The following PDE4D variants were observed in gnomAD, a reference collection of about 807,000 sequenced individuals.
The protein encoded by PDE4D is phosphodiesterase 4D.
A neutral mutation model predicts 87.4 loss-of-function variants in PDE4D; 24 were observed. The ratio of observed to expected loss-of-function variants is 0.27; its 90% CI spans 0.20 to 0.39. PDE4D has a LOEUF of 0.39. Among genes scored for constraint, PDE4D ranks in the 10% least tolerant of loss-of-function variants. PDE4D has a pLI of 1.00. For missense variants in PDE4D, 714 were observed against 1,041.0 expected, an observed-to-expected ratio of 0.69 and a Z score of 4.32; for synonymous variants, 384 against 383.2, an observed-to-expected ratio of 1.00 and a Z score of -0.02.
At chr5:59,988,886 CTAAATT>C (rs1561950534) in intron 2 of PDE4D, among the ~76,000 whole-genome samples, 1 of 151,958 alleles carries the variant, frequency 6.6e-6, no homozygotes. Context: ...TAACTAAAAT[CTAAATT>C]TATTTTTAAA....
intron 1 of PDE4D, among the ~76,000 whole-genome samples, chr5:59,426,953 C>G (rs947638103): frequency 6.6e-6 from 1 of 151,478 alleles, no homozygotes; most frequent in Admixed American, 6.6e-5. Flanking sequence ...CCCTCTGCCA[C>G]CTCCCACAGT....
chr5:60,277,325 A>T (rs1185714326), intron 1 of PDE4D, among the ~76,000 whole-genome samples: 1 of 152,150 alleles, frequency 6.6e-6, no homozygotes, highest in Non-Finnish European at 1.5e-5. Flanking sequence ...AAAAAGAAGA[A>T]GTAAAATTAT....
chr5:60,451,571 C>T (rs1232800038), intron 1 of PDE4D, among the ~76,000 whole-genome samples: 1 of 152,038 alleles, frequency 6.6e-6, no homozygotes, highest in Non-Finnish European at 1.5e-5. Flanking sequence ...TTTATTTTCC[C>T]ATTCTTAGAA....
At chr5:59,499,451 C>T (rs1807867085) in intron 1 of PDE4D, among the ~76,000 whole-genome samples, 1 of 150,796 alleles carries the variant, frequency 6.6e-6, no homozygotes, top group Non-Finnish European at 1.5e-5. Context: ...AAATTGAGAC[C>T]CATAACAACT....
chr5:59,708,295 C>G (rs543859089), intron 1 of PDE4D, among the ~76,000 whole-genome samples: 1 of 151,814 alleles, frequency 6.6e-6, no homozygotes, highest in South Asian at 2.1e-4. Flanking sequence ...CAAACAAACC[C>G]CACAGCTAGT....
At chr5:59,943,279 G>T (rs1440547465) in intron 3 of PDE4D, among the ~76,000 whole-genome samples, 1 of 151,984 alleles carries the variant, frequency 6.6e-6, no homozygotes, top group African/African-American at 2.4e-5. Flanking sequence ...AGGCAGTGGA[G>T]CTCAGATTCC....
intron 3 of PDE4D, among the ~76,000 whole-genome samples, chr5:59,958,515 A>G (rs1759113607): frequency 6.6e-6 from 1 of 152,194 alleles, no homozygotes; most frequent in South Asian, 2.1e-4. Flanking sequence ...TTCAAAATGT[A>G]CAAACACCAT....
chr5:59,849,312 TATGATTTTGAGTTATTGA>T (rs1193554238), intron 1 of PDE4D, among the ~76,000 whole-genome samples: 1 of 152,042 alleles, frequency 6.6e-6, no homozygotes, highest in Admixed American at 6.6e-5. Context: ...TTTTATTTTA[TATGATTTTGAGTTATTGA>T]ACAATGACTG....
intron 2 of PDE4D, among the ~76,000 whole-genome samples, chr5:60,089,478 A>C (rs1197247586): frequency 2.0e-5 from 3 of 151,984 alleles, no homozygotes; most frequent in Non-Finnish European, 2.9e-5. Context: ...GAAATTTAAA[A>C]AATTTTCTTA....
intron 5 of PDE4D, among the ~76,000 whole-genome samples, chr5:59,050,471 A>C (rs1561390246): frequency 6.6e-6 from 1 of 152,216 alleles, no homozygotes; most frequent in Non-Finnish European, 1.5e-5. Flanking sequence ...CTGTGTGTGC[A>C]TTATAGAGAA....
At chr5:59,003,330 G>A (rs1191941446) in intron 6 of PDE4D, among the ~76,000 whole-genome samples, 1 of 152,128 alleles carries the variant, frequency 6.6e-6, no homozygotes, top group African/African-American at 2.4e-5. Context: ...CTCTGTTCCT[G>A]AAAGACTAGT....
At chr5:60,496,852 T>C (rs1749836721) in intron 1 of PDE4D, among the ~76,000 whole-genome samples, 1 of 152,238 alleles carries the variant, frequency 6.6e-6, no homozygotes, top group Non-Finnish European at 1.5e-5. Context: ...TTTCTAGTAA[T>C]ATGACTGTAT....
intron 1 of PDE4D, among the ~76,000 whole-genome samples, chr5:59,623,888 G>A (rs992089284): frequency 5.9e-5 from 9 of 152,162 alleles, no homozygotes; most frequent in South Asian, 2.1e-4. Flanking sequence ...AATAATAATG[G>A]CAATGATAGT....
intron 1 of PDE4D, among the ~76,000 whole-genome samples, chr5:59,763,467 C>T (rs1315087187): frequency 6.6e-6 from 1 of 152,056 alleles, no homozygotes; most frequent in Admixed American, 6.6e-5. Flanking sequence ...GGTTTTATGA[C>T]TTAAATATGA....
intron 1 of PDE4D, among the ~76,000 whole-genome samples, chr5:59,264,637 C>T (rs1202692621): frequency 6.6e-6 from 1 of 151,734 alleles, no homozygotes; most frequent in East Asian, 1.9e-4. Context: ...ATTTTTTTTC[C>T]CAAGCTGGTG....
chr5:59,138,910 T>A (rs1777510765), intron 5 of PDE4D, among the ~76,000 whole-genome samples: 1 of 152,170 alleles, frequency 6.6e-6, no homozygotes, highest in African/African-American at 2.4e-5. Flanking sequence ...TGTGAAAGAT[T>A]TATGAAAGTA....
At chr5:59,503,842 G>C (rs1206600395) in intron 1 of PDE4D, among the ~76,000 whole-genome samples, 1 of 152,040 alleles carries the variant, frequency 6.6e-6, no homozygotes, top group African/African-American at 2.4e-5. Context: ...TATATCTAAA[G>C]GTTCTTAGGT....
At chr5:60,513,733 A>G (rs926625942) in intron 1 of PDE4D, among the ~76,000 whole-genome samples, 1 of 151,962 alleles carries the variant, frequency 6.6e-6, no homozygotes, top group African/African-American at 2.4e-5. Context: ...CATGTAGCTC[A>G]AAGAAGAAAT....
At chr5:60,060,862 C>T (rs1207630878) in intron 2 of PDE4D, among the ~76,000 whole-genome samples, 3 of 151,942 alleles carry the variant, frequency 2.0e-5, no homozygotes, top group African/African-American at 7.2e-5. Context: ...GCAGAAAAGA[C>T]CTTCGAAAAA....
Sources: allele counts gnomAD v4.1 joint callset (sites outside exome capture counted in the v4.1 genomes callset), GRCh38; gene constraint gnomAD v4.1.1; transcripts MANE v1.5; gene names NCBI Gene and HGNC (gene_info 2026-07-23, HGNC 2026-07-21).